The following CEP83 variants were observed in gnomAD, a reference collection of about 807,000 sequenced individuals.
The protein encoded by CEP83 is centrosomal protein 83.
CEP83 carries 70 observed loss-of-function variants against 101.9 expected under a neutral mutation model. That is an observed-to-expected ratio of 0.69 (90% CI 0.57 to 0.84). CEP83 has a LOEUF of 0.84. Among genes scored for constraint, CEP83 ranks in the 40% least tolerant of loss-of-function variants. The pLI, the probability that CEP83 is intolerant of heterozygous loss-of-function variation, is 0.00. For missense variants in CEP83, 715 were observed against 787.2 expected (o/e 0.91, Z 1.10); for synonymous variants, 264 against 267.9 (o/e 0.99, Z 0.14).
chr12:94,412,544 TC>T lies in CEP83; in HGVS notation c.-55del. On this transcript the variant is annotated 5_prime_UTR_variant, in exon 3 of 17. Coordinates refer to ENST00000397809, the MANE Select transcript of CEP83 (RefSeq NM_016122.3). ...TTTTAGTTTTCTTTCCAAGGGTATT[TC>T]CCACTCCTTTCTTGCTAAGGCAGAA... is the stretch of plus-strand genomic sequence containing the variant. 2 of 1,526,876 alleles carry T rather than the reference TC, an allele frequency of 1.3e-6. No homozygotes were observed. The highest frequency in any genetic ancestry group is 1.8e-6 in the Non-Finnish European group (2 of 1,112,418). 94.6% of individuals were successfully genotyped at this position (1,526,876 alleles called of 1,614,324 possible).
intron 14 of CEP83, among the ~76,000 whole-genome samples, chr12:94,323,286 C>T (rs7958946): frequency 4.6e-5 from 7 of 152,214 alleles, no homozygotes; most frequent in South Asian, 2.1e-4. Context: ...CAGGGCTCTA[C>T]GTGTATCTGA....
intron 15 of CEP83, among the ~76,000 whole-genome samples, chr12:94,311,598 T>C (rs1233640762): frequency 1.3e-5 from 2 of 152,108 alleles, no homozygotes; most frequent in Non-Finnish European, 2.9e-5. Flanking sequence ...ACTCCATGTA[T>C]AGGAAAAAAC....
chr12:94,297,148 T>C, the CEP83 span: 1 of 1,611,020 alleles, frequency 6.2e-7, no homozygotes, highest in Non-Finnish European at 8.5e-7. Flanking sequence ...GGTTGCTTTT[T>C]TTAATGGACT....
intron 5 of CEP83, chr12:94,402,924 T>A (rs1339387454): frequency 1.1e-5 from 3 of 262,938 alleles, no homozygotes; most frequent in Non-Finnish European, 2.1e-5. Context: ...GAAATAAAAT[T>A]AAAAATAAAA....
intron 14 of CEP83, among the ~76,000 whole-genome samples, chr12:94,316,263 C>T (rs1970666734): frequency 6.6e-6 from 1 of 152,022 alleles, no homozygotes; most frequent in Non-Finnish European, 1.5e-5. Context: ...TTGTAAATGG[C>T]ATTTAAATAT....
chr12:94,359,493 T>G (rs555530004), intron 11 of CEP83, among the ~76,000 whole-genome samples: 1 of 152,250 alleles, frequency 6.6e-6, no homozygotes, highest in East Asian at 1.9e-4. Context: ...TAGAGACTAT[T>G]ATGAGCAACT....
intron 12 of CEP83, among the ~76,000 whole-genome samples, chr12:94,334,915 AAAT>A (rs1400277316): frequency 1.3e-5 from 2 of 152,152 alleles, no homozygotes; most frequent in Non-Finnish European, 2.9e-5. Context: ...CAATGATACT[AAAT>A]AACTTCTGAG....
intron 11 of CEP83, chr12:94,335,943 A>T: frequency 3.4e-6 from 1 of 292,590 alleles, no homozygotes; most frequent in Non-Finnish European, 6.3e-6. Context: ...TAAAAACCTG[A>T]CAGGTAGGAT....
intron 2 of CEP83, among the ~76,000 whole-genome samples, chr12:94,426,074 A>G (rs2065176332): frequency 6.6e-6 from 1 of 151,892 alleles, no homozygotes; most frequent in South Asian, 2.1e-4. Flanking sequence ...GTGAGCCAAG[A>G]TCACACCACT....
chr12:94,453,863 C>T (rs1284940972), intron 1 of CEP83, among the ~76,000 whole-genome samples: 1 of 152,146 alleles, frequency 6.6e-6, no homozygotes, highest in Non-Finnish European at 1.5e-5. Flanking sequence ...CTTTGGGAGG[C>T]CAAGGCAGGT....
At chr12:94,431,252 T>G (rs1044183893) in intron 2 of CEP83, among the ~76,000 whole-genome samples, 2 of 152,016 alleles carry the variant, frequency 1.3e-5, no homozygotes, top group African/African-American at 4.8e-5. Flanking sequence ...TGCAGAAAAA[T>G]TAAATTGGAT....
At chr12:94,284,374 G>C in the CEP83 span, among the ~76,000 whole-genome samples, 1 of 152,130 alleles carries the variant, frequency 6.6e-6, no homozygotes, top group Non-Finnish European at 1.5e-5. Flanking sequence ...ATCCAGAAAT[G>C]AGCAAGAGCA....
intron 11 of CEP83, among the ~76,000 whole-genome samples, chr12:94,347,492 A>G (rs181681285): frequency 7.2e-5 from 11 of 152,370 alleles, no homozygotes; most frequent in Admixed American, 1.3e-4. Context: ...ATTGGAAAAC[A>G]GTATTTCTGT....
intron 1 of CEP83, among the ~76,000 whole-genome samples, chr12:94,442,375 G>A (rs1336906090): frequency 1.3e-5 from 2 of 150,896 alleles, no homozygotes; most frequent in Non-Finnish European, 3.0e-5. Flanking sequence ...GGGAAGGAGG[G>A]AGGGGGGTGA....
chr12:94,392,105 T>C (rs921702992), intron 6 of CEP83, among the ~76,000 whole-genome samples: 3 of 152,152 alleles, frequency 2.0e-5, no homozygotes, highest in African/African-American at 7.2e-5. Context: ...AACAAAGATA[T>C]ACAGGACTTG....
At chr12:94,401,929 A>C (rs2063281440) in intron 5 of CEP83, among the ~76,000 whole-genome samples, 1 of 152,182 alleles carries the variant, frequency 6.6e-6, no homozygotes, top group African/African-American at 2.4e-5. Context: ...CGATTCTACA[A>C]CTGTTTTGGG....
In CEP83 at chr12:94,307,757, A is replaced by AT. The variant is rs1969224238; in HGVS notation, c.*1055dup. ...GCTCCGTGGAAATTATTTTTCAGAG[A>AT]TAAGGTGTCACTGTATATGCTGTGA... On this transcript the variant is annotated 3_prime_UTR_variant, in exon 17 of 17. Transcript: ENST00000397809. 6.6e-6 allele frequency: 1 copy of AT among 151,664 alleles called. No homozygotes were observed. The highest frequency in any genetic ancestry group is 2.4e-5 in the African/African-American group (1 of 41,222). The allele number at this position is 151,664 out of a possible 1,614,324, so 9.4% of individuals were successfully genotyped here.
intron 7 of CEP83, 41 bp downstream of exon 7, chr12:94,378,750 A>G: frequency 6.3e-7 from 1 of 1,596,874 alleles, no homozygotes; most frequent in Non-Finnish European, 8.5e-7. Flanking sequence ...GCACTTTAAA[A>G]AAGTATGCCA....
intron 11 of CEP83, among the ~76,000 whole-genome samples, chr12:94,358,641 A>G (rs1019181741): frequency 3.3e-5 from 5 of 152,202 alleles, no homozygotes; most frequent in Admixed American, 3.3e-4. Flanking sequence ...GAAAATGGAA[A>G]ATGTTCACTG....
Sources: allele counts gnomAD v4.1 joint callset (sites outside exome capture counted in the v4.1 genomes callset), GRCh38; gene constraint gnomAD v4.1.1; transcripts MANE v1.5; gene names NCBI Gene and HGNC (gene_info 2026-07-23, HGNC 2026-07-21).